The following DLGAP1 variants were observed in gnomAD, a reference collection of about 807,000 sequenced individuals.
DLGAP1 encodes DLG associated protein 1.
A neutral mutation model predicts 90.8 loss-of-function variants in DLGAP1; 11 were observed. That is an observed-to-expected ratio of 0.12 (90% CI 0.08 to 0.20). The LOEUF is 0.20. Among genes scored for constraint, DLGAP1 ranks in the 10% least tolerant of loss-of-function variants. The pLI is 1.00. For missense variants in DLGAP1, 1,050 were observed against 1,333.8 expected (o/e 0.79, Z 3.31); for synonymous variants, 558 against 540.7 (o/e 1.03, Z -0.44).
At chr18:3,952,373 G>A (rs1324064817) in intron 3 of DLGAP1, among the ~76,000 whole-genome samples, 1 of 152,164 alleles carries the variant, frequency 6.6e-6, no homozygotes, top group Non-Finnish European at 1.5e-5. Context: ...ACTCTTGGGG[G>A]GAGGATTCCC....
At chr18:3,861,534 AG>A (rs1456104169) in intron 4 of DLGAP1, among the ~76,000 whole-genome samples, 6 of 152,198 alleles carry the variant, frequency 3.9e-5, no homozygotes, top group African/African-American at 1.4e-4. Flanking sequence ...CTGATTGTGT[AG>A]AGTCCAATCT....
chr18:3,575,631 C>T (rs2055076914), intron 8 of DLGAP1, among the ~76,000 whole-genome samples: 1 of 152,180 alleles, frequency 6.6e-6, no homozygotes, highest in Admixed American at 6.5e-5. Context: ...CACTCCTGTA[C>T]TGTACGAACT....
intron 10 of DLGAP1, among the ~76,000 whole-genome samples, chr18:3,514,741 A>G (rs1047543007): frequency 4.6e-5 from 7 of 152,128 alleles, no homozygotes; most frequent in African/African-American, 1.7e-4. Flanking sequence ...AGTACCTAAT[A>G]CTTTATTGCT....
At position 4,201,786 on chromosome 18, in the gene DLGAP1, C is replaced by T. The variant is rs553482335; in HGVS notation, c.-266-50499G>A. ...AAGTCACAATGAGATACCACTTTAC[C>T]CCAGTCAAAATGGCCATTATTAAAA... On this transcript the variant is annotated intron_variant, in intron 1 of 12. Transcript: ENST00000315677. Among the ~76,000 whole-genome samples the T allele has an allele frequency of 6.6e-5, 10 of 152,082 alleles. No individual in the cohort carries two copies. The South Asian group carries it at 1.7e-3, about 25-fold the overall frequency.
intron 3 of DLGAP1, among the ~76,000 whole-genome samples, chr18:3,926,411 TATATATATATACACACACAC>T (rs1478461228): frequency 1.9e-5 from 1 of 51,654 alleles, no homozygotes; most frequent in Non-Finnish European, 5.1e-5. Context: ...CATATATATA[TATATATATATACACACACAC>T]ACACACACAC....
At chr18:3,838,325 T>A (rs73940233) in intron 4 of DLGAP1, among the ~76,000 whole-genome samples, 1 of 152,208 alleles carries the variant, frequency 6.6e-6, no homozygotes, top group African/African-American at 2.4e-5. Context: ...TGTTAAGAAA[T>A]ATTCTGTTGT....
chr18:3,931,402 G>A (rs1004676725), intron 3 of DLGAP1, among the ~76,000 whole-genome samples: 2 of 152,180 alleles, frequency 1.3e-5, no homozygotes, highest in Non-Finnish European at 2.9e-5. Flanking sequence ...TCCTCTCTGG[G>A]ACTGCAGCAG....
Position 4,383,782 on chromosome 18 carries a change from ATTGTTCCATCTCCAT to A in DLGAP1, c.-267+71209_-267+71223del, listed in dbSNP as rs747152191. Among the ~76,000 whole-genome samples, 75 of 152,266 alleles carry A rather than the reference ATTGTTCCATCTCCAT, an allele frequency of 4.9e-4. No individual in the cohort carries two copies. Among genetic ancestry groups the A allele is most frequent in the Non-Finnish European group, 5.9e-4 (40 of 68,004 alleles). The stretch of plus-strand genomic sequence containing the variant: ...CATGATATTGAAGGAAAGAAGCAGA[ATTGTTCCATCTCCAT>A]TTGAACCTACTCTACTGGCACATCT... On this transcript the variant is annotated intron_variant, in intron 1 of 12. Coordinates refer to ENST00000315677, the MANE Select transcript of DLGAP1 (RefSeq NM_004746.4). This position sits in a 1 kb window ranked among gnomAD's most constrained non-coding sequence, Gnocchi z 4.0.
At chr18:4,044,491 C>T (rs904767494) in intron 2 of DLGAP1, among the ~76,000 whole-genome samples, 4 of 152,174 alleles carry the variant, frequency 2.6e-5, no homozygotes, top group Non-Finnish European at 5.9e-5. Flanking sequence ...GCCTGTAATC[C>T]CAGCACTTTG....
At position 3,700,550 on chromosome 18, in the gene DLGAP1, C is replaced by T. The variant is rs934826137; in HGVS notation, c.1591+28585G>A. 3.3e-5 allele frequency among the ~76,000 whole-genome samples: 5 copies of T among 150,966 alleles called. No individual in the cohort carries two copies. The South Asian group carries it at 8.4e-4, about 25-fold the overall frequency. ...TGTTGATCTCACTGGGAGCTGCAGA[C>T]TGGAGCTGTTCCTATTCAGCCATCT... On this transcript the variant is annotated intron_variant, in intron 7 of 12. Coordinates refer to ENST00000315677, the MANE Select transcript of DLGAP1 (RefSeq NM_004746.4).
At chr18:3,567,285 C>T (rs2054490118) in intron 9 of DLGAP1, among the ~76,000 whole-genome samples, 1 of 152,074 alleles carries the variant, frequency 6.6e-6, no homozygotes, top group African/African-American at 2.4e-5. Context: ...GCTTACAGTA[C>T]TATTCAAACA....
At chr18:4,412,284 C>T (rs539047314) in intron 1 of DLGAP1, among the ~76,000 whole-genome samples, 36 of 152,306 alleles carry the variant, frequency 2.4e-4, no homozygotes, top group Admixed American at 5.9e-4. Flanking sequence ...AGATTCCCCA[C>T]AACCTCCTGG....
At chr18:3,970,286 G>C (rs1268353409) in intron 3 of DLGAP1, among the ~76,000 whole-genome samples, 2 of 152,096 alleles carry the variant, frequency 1.3e-5, no homozygotes, top group Non-Finnish European at 2.9e-5. Flanking sequence ...TGAATTCTTT[G>C]CATATTTTCA....
chr18:3,510,540 G>A (rs2050482698), intron 10 of DLGAP1, among the ~76,000 whole-genome samples: 2 of 152,174 alleles, frequency 1.3e-5, no homozygotes, highest in Admixed American at 1.3e-4. Flanking sequence ...GAAGGTATAT[G>A]GAGCAGGCAC....
intron 2 of DLGAP1, among the ~76,000 whole-genome samples, chr18:4,054,952 A>G (rs982852786): frequency 4.6e-5 from 7 of 152,178 alleles, no homozygotes; most frequent in Non-Finnish European, 1.0e-4. Flanking sequence ...AAATTTTATG[A>G]TTTAGATCAT....
chr18:3,541,705 A>C (rs1435066243), intron 9 of DLGAP1, among the ~76,000 whole-genome samples: 1 of 152,204 alleles, frequency 6.6e-6, no homozygotes, highest in East Asian at 1.9e-4. Flanking sequence ...AAGTTTACAT[A>C]TTTAAGTCCC....
intron 1 of DLGAP1, among the ~76,000 whole-genome samples, chr18:4,421,487 T>G (rs1161760369): frequency 2.0e-5 from 3 of 152,150 alleles, no homozygotes; most frequent in Non-Finnish European, 4.4e-5. Flanking sequence ...GTTCCAGGAT[T>G]AGGACATGAA....
rs539351107 is a variant in DLGAP1, at chr18:4,069,529, C to T, written c.-158-64328G>A. Among the ~76,000 whole-genome samples, 21 of 152,198 alleles carry T rather than the reference C, an allele frequency of 1.4e-4. No homozygotes were observed. In the South Asian group the frequency reaches 1.7e-3, roughly 12 times the overall value. On this transcript the variant is annotated intron_variant, in intron 2 of 12. Coordinates refer to ENST00000315677, the MANE Select transcript of DLGAP1 (RefSeq NM_004746.4). ...GCACCATCCCCCTTGGTATTGTCCT[C>T]GAGACAGTGGATGACTTTTCGTGAA...
At chr18:4,442,778 AG>A (rs1452249687) in intron 1 of DLGAP1, among the ~76,000 whole-genome samples, 3 of 152,226 alleles carry the variant, frequency 2.0e-5, no homozygotes, top group African/African-American at 7.2e-5. Flanking sequence ...TTTTATTTAT[AG>A]CTGTTATTCC....
Sources: allele counts gnomAD v4.1 joint callset (sites outside exome capture counted in the v4.1 genomes callset), GRCh38; gene constraint gnomAD v4.1.1; non-coding constraint Gnocchi (gnomAD v3.1); transcripts MANE v1.5; gene names NCBI Gene and HGNC (gene_info 2026-07-23, HGNC 2026-07-21).